Variants in CYFIP2 observed in about 807,000 individuals in gnomAD.
CYFIP2 encodes the protein cytoplasmic FMR1-interacting protein 2.
CYFIP2 carries 29 observed loss-of-function variants against 158.7 expected under a neutral mutation model. That is an observed-to-expected ratio of 0.18 (90% CI 0.14 to 0.25). The LOEUF (loss-of-function observed/expected upper bound fraction) is 0.25. CYFIP2 is among the 10% of genes least tolerant of loss of function. The pLI is 1.00. For synonymous variants in CYFIP2, 585 were observed against 617.6 expected, an observed-to-expected ratio of 0.95 and a Z score of 0.78; for missense variants, 852 against 1,639.5, an observed-to-expected ratio of 0.52 and a Z score of 8.29.
Position 157,389,317 on chromosome 5 carries a change from G to T in CYFIP2, c.3336G>T (p.Pro1112=), listed in dbSNP as rs114967929. 4 of 1,613,882 alleles carry T rather than the reference G, an allele frequency of 2.5e-6. No homozygotes were observed. The Admixed American group carries it at 6.7e-5, about 27-fold the overall frequency. ...AGGACCCCATCTGGCGGGGCCCACC[G>T]CCCACCAATGGCGTCATGCACGTCG... ...YLQDPIWRGP[P]PTNGVMHVDE... The change falls in exon 29 of 31, where the codon CCG becomes CCT. Residue 1112 remains proline, a synonymous_variant. Coordinates refer to ENST00000620254, the MANE Select transcript of CYFIP2 (RefSeq NM_001037333.3).
At chr5:157,320,072 G>A in intron 14 of CYFIP2, 144 bp downstream of exon 14, 1 of 995,542 alleles carries the variant, frequency 1.0e-6, no homozygotes, top group Admixed American at 2.4e-5. Flanking sequence ...GGGCATTTGG[G>A]ATGAATTAAG....
At chr5:157,325,721 A>G in intron 17 of CYFIP2, 83 bp downstream of exon 17, 1 of 1,414,628 alleles carries the variant, frequency 7.1e-7, no homozygotes, top group Non-Finnish European at 9.4e-7. Context: ...TCTTTCCAGA[A>G]GGAAGCACTG....
At chr5:157,300,679 C>A in intron 5 of CYFIP2, 36 bp from the exon 6 acceptor site, 1 of 1,469,352 alleles carries the variant, frequency 6.8e-7, no homozygotes, top group Non-Finnish European at 9.1e-7. Context: ...CATAAGGGAG[C>A]ACAGTGGACC....
chr5:157,339,309 G>C (rs1762080557), intron 22 of CYFIP2, 53 bp downstream of exon 22: 1 of 1,535,246 alleles, frequency 6.5e-7, no homozygotes, highest in Admixed American at 1.7e-5. Flanking sequence ...GGAGTGGCCA[G>C]CTGCCTCCTC....
At chr5:157,383,129 C>T (rs780355870) in intron 27 of CYFIP2, 136 bp from the exon 28 acceptor site, 37 of 701,846 alleles carry the variant, frequency 5.3e-5, no homozygotes, top group African/African-American at 4.3e-4. Context: ...CTTTCCAGAA[C>T]GAAGGAGAGC....
intron 16 of CYFIP2, 138 bp from the exon 17 acceptor site, chr5:157,325,344 G>T: frequency 1.1e-6 from 1 of 941,520 alleles, no homozygotes. Context: ...GTAAAAGAGA[G>T]CAGGATCTAC....
chr5:157,299,681 A>G (rs1758577676), intron 5 of CYFIP2, among the ~76,000 whole-genome samples: 1 of 152,176 alleles, frequency 6.6e-6, no homozygotes, highest in African/African-American at 2.4e-5. Flanking sequence ...CAGGCAGATC[A>G]CTTGAGGTCA....
Position 157,369,879 on chromosome 5 carries a change from G to GTTT in CYFIP2, c.3039+8298_3039+8300dup, listed in dbSNP as rs1554120265. 5.2e-4 allele frequency among the ~76,000 whole-genome samples: 54 copies of GTTT among 103,252 alleles called. 3 individuals are homozygous for GTTT. In the Middle Eastern group the frequency reaches 0.019, roughly 37 times the overall value. 67.7% of individuals were successfully genotyped at this position (103,252 alleles called of 152,430 possible). A position where few individuals can be genotyped will look rare whatever the true frequency, so the allele number is the denominator to read the frequency against. On this transcript the variant is annotated intron_variant, in intron 26 of 30. Coordinates refer to ENST00000620254, the MANE Select transcript of CYFIP2 (RefSeq NM_001037333.3). ...AACAAAATCCTTGAGAATGGACCTA[G>GTTT]TTTTTTTTTTTTTTTTTTTAAAGAC...
chr5:157,367,152 A>T (rs1048625177), intron 26 of CYFIP2, among the ~76,000 whole-genome samples: 1 of 152,288 alleles, frequency 6.6e-6, no homozygotes, highest in East Asian at 1.9e-4. Context: ...ACAGATCCGA[A>T]TGCCAGTCAG....
chr5:157,342,000 C>T (rs11739823), intron 23 of CYFIP2: 34,489 of 152,412 alleles, frequency 0.23, 4,428 homozygotes, highest in African/African-American at 0.34. Flanking sequence ...CTCTTTCAAA[C>T]CTTATGCTAT....
intron 23 of CYFIP2, 137 bp from the exon 24 acceptor site, chr5:157,358,868 A>G (rs1164644272): frequency 8.7e-7 from 1 of 1,153,340 alleles, no homozygotes. Flanking sequence ...CCATTTTGCA[A>G]ACATATTCAT....
At chr5:157,314,557 C>A in intron 12 of CYFIP2, 94 bp downstream of exon 12, 1 of 1,481,078 alleles carries the variant, frequency 6.8e-7, no homozygotes, top group Admixed American at 2.4e-5. Context: ...AACAGATTTA[C>A]GGAGTTACAA....
chr5:157,295,945 T>C (rs1758219569), intron 4 of CYFIP2, among the ~76,000 whole-genome samples: 1 of 152,122 alleles, frequency 6.6e-6, no homozygotes, highest in Admixed American at 6.5e-5. Context: ...CCTGGGTAGG[T>C]CTAGGGGAGC....
chr5:157,381,210 A>T (rs544790926), intron 26 of CYFIP2, among the ~76,000 whole-genome samples: 2 of 152,252 alleles, frequency 1.3e-5, no homozygotes, highest in African/African-American at 4.8e-5. Flanking sequence ...TTCCCTTTCC[A>T]CTGAGACATA....
At position 157,389,325 on chromosome 5, in the gene CYFIP2, A is replaced by G. The variant is rs1446711858; in HGVS notation, c.3344A>G (p.Asn1115Ser). The G allele has an allele frequency of 1.2e-6, 2 of 1,613,882 alleles. No individual in the cohort carries two copies. The highest frequency in any genetic ancestry group is 2.7e-5 in the African/African-American group (2 of 74,934). ...DPIWRGPPPTNGVMHVDECVE... is the reference protein window; with the variant it reads ...DPIWRGPPPTSGVMHVDECVE... The stretch of plus-strand genomic sequence containing the variant: ...ATCTGGCGGGGCCCACCGCCCACCA[A>G]TGGCGTCATGCACGTCGATGAGTGT... Residue 1115 changes from asparagine to serine, a missense_variant, in exon 29 of 31, where the codon AAT becomes AGT. This residue lies in a region of CYFIP2 where 223 missense variants were observed against 381.6 expected (regional missense o/e 0.58). Transcript: ENST00000620254.
In CYFIP2 at chr5:157,343,416, A is replaced by C. The variant is rs887510841; in HGVS notation, c.2673+2259A>C. On this transcript the variant is annotated intron_variant, in intron 23 of 30. Coordinates refer to ENST00000620254, the MANE Select transcript of CYFIP2 (RefSeq NM_001037333.3). ...TGGAAGCTGTAGCGAAGATAGCCAG[A>C]GAAGATGCTGTTCCAGTTGGGCCTG... 1.9e-6 allele frequency: 3 copies of C among 1,614,062 alleles called. No homozygotes were observed. In the African/African-American group the frequency reaches 4.0e-5, roughly 22 times the overall value.
At chr5:157,275,779 A>G (rs919244980) in intron 1 of CYFIP2, among the ~76,000 whole-genome samples, 5 of 152,254 alleles carry the variant, frequency 3.3e-5, no homozygotes, top group Non-Finnish European at 5.9e-5. Context: ...CTTCCAACCT[A>G]TGGACATGGG....
In CYFIP2 at chr5:157,394,145, CTTAAGTTAGACT is replaced by C. The variant is rs1767564703; in HGVS notation, c.*1148_*1159del. On this transcript the variant is annotated 3_prime_UTR_variant, in exon 31 of 31. Coordinates refer to ENST00000620254, the MANE Select transcript of CYFIP2 (RefSeq NM_001037333.3). ...TCAACTTGCTGTTCTCTTTACATTC[CTTAAGTTAGACT>C]TTCGGGTGTGGCTTCTCTCCCAGGG... The C allele has an allele frequency of 6.6e-6, 1 of 152,118 alleles. No homozygotes were observed. The highest frequency in any genetic ancestry group is 1.5e-5 in the Non-Finnish European group (1 of 68,024). 9.4% of individuals were successfully genotyped at this position (152,118 alleles called of 1,614,324 possible).
At chr5:157,370,253 ATT>A (rs1163710969) in intron 26 of CYFIP2, among the ~76,000 whole-genome samples, 1 of 152,030 alleles carries the variant, frequency 6.6e-6, no homozygotes, top group African/African-American at 2.4e-5. Flanking sequence ...ATCTAGAAGC[ATT>A]TTCTTGGACT....
Sources: allele counts gnomAD v4.1 joint callset (sites outside exome capture counted in the v4.1 genomes callset), GRCh38; gene constraint gnomAD v4.1.1; regional missense constraint gnomAD v4.1.1; transcripts MANE v1.5; gene names NCBI Gene and HGNC (gene_info 2026-07-23, HGNC 2026-07-21).